CCDC171: variants seen among roughly 807,000 people sequenced by gnomAD.
The protein encoded by CCDC171 is coiled-coil domain containing 171, also known as coiled-coil domain-containing protein 171.
In CCDC171, 177 loss-of-function variants were observed where a neutral mutation model predicts 168.2. The ratio of observed to expected loss-of-function variants is 1.05; its 90% CI spans 0.93 to 1.19. The LOEUF is 1.19. CCDC171 is among the 50% of genes most tolerant of loss of function. The pLI, the probability that CCDC171 is intolerant of heterozygous loss-of-function variation, is 0.00. For missense variants in CCDC171, 1,991 were observed against 1,539.0 expected (o/e 1.29, Z -4.91); for synonymous variants, 687 against 540.8 (o/e 1.27, Z -3.75).
intron 14 of CCDC171, 54 bp downstream of exon 14, chr9:15,725,030 T>C (rs1016605392): frequency 2.4e-6 from 3 of 1,264,882 alleles, no homozygotes; most frequent in Non-Finnish European, 3.5e-6. Context: ...AATCTCAGTG[T>C]TATACATCAA....
chr9:16,058,478 A>G (rs1586869475), intron 1 of CCDC171, among the ~76,000 whole-genome samples: 1 of 152,232 alleles, frequency 6.6e-6, no homozygotes, highest in South Asian at 2.1e-4. Context: ...GTTTGTGAGC[A>G]TGAAGATTCT....
At chr9:15,755,513 G>A (rs1372714522) in intron 18 of CCDC171, among the ~76,000 whole-genome samples, 1 of 152,128 alleles carries the variant, frequency 6.6e-6, no homozygotes. Flanking sequence ...ATTTGCAAAT[G>A]TTCATAGCAT....
Position 15,777,611 on chromosome 9 carries a change from A to G in CCDC171, c.2683A>G (p.Arg895Gly). Reference sequence around the variant, plus strand: ...CTTTTTCTTTGAAGATCCAAATTCCAGAATTTGTGGACATTTACTCATAGG... The same window carrying G: ...CTTTTTCTTTGAAGATCCAAATTCCGGAATTTGTGGACATTTACTCATAGG... ...DVIGKADPNS[R>G]ICGHLLIGAA... The change falls in exon 19 of 26, where the codon AGA becomes GGA. Residue 895 changes from arginine (R) to glycine (G), a missense_variant. Arg to Gly is a moderately radical substitution (Grantham distance 125, BLOSUM62 -2). Coordinates refer to ENST00000380701, the MANE Select transcript of CCDC171 (RefSeq NM_173550.4). 1 of 1,598,736 alleles carries G rather than the reference A, an allele frequency of 6.3e-7. No individual in the cohort carries two copies. The highest frequency in any genetic ancestry group is 8.5e-7 in the Non-Finnish European group (1 of 1,175,838).
chr9:15,822,325 T>A (rs1277842903), intron 21 of CCDC171, among the ~76,000 whole-genome samples: 1 of 150,988 alleles, frequency 6.6e-6, no homozygotes, highest in Non-Finnish European at 1.5e-5. Flanking sequence ...AAGCCAGAAT[T>A]GACAAAGGGG....
At chr9:15,846,906 T>G in intron 22 of CCDC171, 59 bp downstream of exon 22, 3 of 1,472,038 alleles carry the variant, frequency 2.0e-6, no homozygotes, top group Middle Eastern at 2.2e-4. Flanking sequence ...ATTCTTACTT[T>G]CATGCTCCGG....
intron 21 of CCDC171, among the ~76,000 whole-genome samples, chr9:15,787,269 A>G (rs1443669487): frequency 6.6e-6 from 1 of 151,846 alleles, no homozygotes; most frequent in African/African-American, 2.4e-5. Flanking sequence ...ATTTTGAAAT[A>G]TACATTATTA....
At chr9:16,043,619 A>G (rs1028214937) in intron 1 of CCDC171, among the ~76,000 whole-genome samples, 4 of 152,222 alleles carry the variant, frequency 2.6e-5, no homozygotes, top group Non-Finnish European at 4.4e-5. Flanking sequence ...TGCCACTTCA[A>G]AGACCAAAGG....
intron 2 of CCDC171, among the ~76,000 whole-genome samples, chr9:15,565,110 A>G (rs1028954656): frequency 3.6e-5 from 5 of 137,170 alleles, no homozygotes; most frequent in African/African-American, 1.4e-4. Context: ...TTTTTTTGAG[A>G]CAGAATCTTG....
chr9:15,560,306 G>A (rs181462125), intron 1 of CCDC171, among the ~76,000 whole-genome samples: 1 of 152,112 alleles, frequency 6.6e-6, no homozygotes, highest in African/African-American at 2.4e-5. Flanking sequence ...TCTCCTGGAT[G>A]ATATCCTGAA....
chr9:16,057,790 C>G lies in CCDC171; in HGVS notation n.90-2856C>G, dbSNP rs184139720. ...GATTTATAAAGGTGCCAAGCTCCCC[C>G]CAGATGATATTCCTGGATCCACTCA... is the stretch of plus-strand genomic sequence containing the variant. On this transcript the variant is annotated intron_variant and non_coding_transcript_variant, in intron 1 of 1. Coordinates refer to the CCDC171 transcript ENST00000478913. Among the ~76,000 whole-genome samples, 5 of 152,292 alleles carry G rather than the reference C, an allele frequency of 3.3e-5. No homozygotes were observed. In the East Asian group the frequency reaches 5.8e-4, roughly 18 times the overall value.
At chr9:16,001,402 G>A (rs1229216014) in intron 3 of CCDC171, among the ~76,000 whole-genome samples, 1 of 152,038 alleles carries the variant, frequency 6.6e-6, no homozygotes, top group Non-Finnish European at 1.5e-5. Context: ...ATATGTATGT[G>A]TGTGTGTGTG....
At chr9:15,602,227 T>TA (rs908069523) in intron 6 of CCDC171, among the ~76,000 whole-genome samples, 1 of 149,842 alleles carries the variant, frequency 6.7e-6, no homozygotes, top group African/African-American at 2.4e-5. Flanking sequence ...GACTTTATGT[T>TA]AAAAAAAGTT....
chr9:15,832,305 G>C (rs1197040353), intron 21 of CCDC171, among the ~76,000 whole-genome samples: 2 of 152,188 alleles, frequency 1.3e-5, no homozygotes, highest in Non-Finnish European at 2.9e-5. Context: ...TTCCTTAAAT[G>C]AGGTTACATT....
chr9:15,592,444 C>T (rs752046143), intron 5 of CCDC171, among the ~76,000 whole-genome samples: 6 of 152,088 alleles, frequency 3.9e-5, no homozygotes, highest in Non-Finnish European at 7.4e-5. Context: ...GGAAATGTGT[C>T]TTTACTAAAA....
intron 22 of CCDC171, 117 bp downstream of exon 22, chr9:15,846,964 CT>C: frequency 1.2e-6 from 1 of 807,594 alleles, no homozygotes. Flanking sequence ...GTACAGCTGT[CT>C]TTCTTTGAAA....
chr9:15,931,701 A>T (rs1389619585), intron 25 of CCDC171, among the ~76,000 whole-genome samples: 2 of 151,302 alleles, frequency 1.3e-5, no homozygotes, highest in Non-Finnish European at 3.0e-5. Flanking sequence ...TCCCCAACCC[A>T]ATATCATGAA....
intron 12 of CCDC171, among the ~76,000 whole-genome samples, chr9:15,722,780 C>T (rs566177444): frequency 8.9e-4 from 136 of 152,170 alleles, no homozygotes; most frequent in Non-Finnish European, 1.7e-3. Flanking sequence ...TTAATACCCT[C>T]GGTAATTGTT....
chr9:16,024,823 G>A (rs969392733), intron 6 of CCDC171, among the ~76,000 whole-genome samples: 7 of 152,158 alleles, frequency 4.6e-5, no homozygotes, highest in Non-Finnish European at 1.0e-4. Context: ...TACGGCACCC[G>A]AAATTTAGGG....
At chr9:15,819,057 G>A (rs61539488) in intron 21 of CCDC171, among the ~76,000 whole-genome samples, 2 of 115,802 alleles carry the variant, frequency 1.7e-5, no homozygotes, top group Non-Finnish European at 3.9e-5. Context: ...TTAAAGAAAA[G>A]AATTTTCAAC....
Sources: allele counts gnomAD v4.1 joint callset (sites outside exome capture counted in the v4.1 genomes callset), GRCh38; gene constraint gnomAD v4.1.1; transcripts MANE v1.5; gene names NCBI Gene and HGNC (gene_info 2026-07-23, HGNC 2026-07-21).